Variants in RIMOC1 observed in about 807,000 individuals in gnomAD.
The protein encoded by RIMOC1 is RAB7A interacting MON1-CCZ1 complex subunit 1.
chr5:41,911,711 C>T, the RIMOC1 span, among the ~76,000 whole-genome samples: 1 of 152,156 alleles, frequency 6.6e-6, no homozygotes, highest in Non-Finnish European at 1.5e-5. Flanking sequence ...CATAATATTT[C>T]TAAATTATAA....
chr5:41,905,304 A>AT, the RIMOC1 span, among the ~76,000 whole-genome samples: 1 of 152,212 alleles, frequency 6.6e-6, no homozygotes, highest in Non-Finnish European at 1.5e-5. Flanking sequence ...TTCAGTGAAT[A>AT]TTTTTTGCCA....
the RIMOC1 span, chr5:41,911,365 A>G: frequency 2.2e-5 from 9 of 417,370 alleles, no homozygotes; most frequent in African/African-American, 4.1e-5. Flanking sequence ...ATAACATGTG[A>G]AAGCACTTTG....
the RIMOC1 span, among the ~76,000 whole-genome samples, chr5:41,910,619 T>C: frequency 6.6e-6 from 1 of 152,034 alleles, no homozygotes; most frequent in African/African-American, 2.4e-5. Context: ...CAAATTTCAA[T>C]GACAAGCCAC....
chr5:41,906,683 A>G, the RIMOC1 span, among the ~76,000 whole-genome samples: 2 of 152,292 alleles, frequency 1.3e-5, no homozygotes, highest in East Asian at 1.9e-4. Flanking sequence ...CAGCAGTCAA[A>G]ATGCAATCTC....
At chr5:41,910,330 T>C in the RIMOC1 span, among the ~76,000 whole-genome samples, 1 of 151,970 alleles carries the variant, frequency 6.6e-6, no homozygotes, top group African/African-American at 2.4e-5. Context: ...CTGAAATGTC[T>C]TCTCTTGCTA....
At chr5:41,906,577 C>T in the RIMOC1 span, among the ~76,000 whole-genome samples, 1 of 152,284 alleles carries the variant, frequency 6.6e-6, no homozygotes, top group East Asian at 1.9e-4. Flanking sequence ...ATAGTAGAAT[C>T]TTTTTCTACA....
the RIMOC1 span, chr5:41,919,013 T>G: frequency 2.0e-5 from 3 of 152,434 alleles, no homozygotes; most frequent in African/African-American, 7.2e-5. Flanking sequence ...CTCTTTTTTT[T>G]TTTTACTTTA....
the RIMOC1 span, chr5:41,918,186 T>C: frequency 1.0e-6 from 1 of 985,876 alleles, no homozygotes; most frequent in Non-Finnish European, 1.2e-6. Context: ...TGCTGATACC[T>C]TGGACTTCTG....
the RIMOC1 span, chr5:41,917,120 G>A: frequency 6.2e-7 from 1 of 1,613,830 alleles, no homozygotes; most frequent in Non-Finnish European, 8.5e-7. Flanking sequence ...TCATGAAGTG[G>A]ATACTAGTGT....
At chr5:41,914,342 G>A in the RIMOC1 span, among the ~76,000 whole-genome samples, 1 of 151,806 alleles carries the variant, frequency 6.6e-6, no homozygotes, top group South Asian at 2.1e-4. Context: ...TTAGGGTGTC[G>A]GCCTTTTGTT....
the RIMOC1 span, among the ~76,000 whole-genome samples, chr5:41,904,959 A>G: frequency 2.6e-5 from 4 of 152,304 alleles, no homozygotes; most frequent in South Asian, 6.2e-4. Context: ...TGTGTAGACT[A>G]TTCTGCCCCA....
chr5:41,916,387 C>G, the RIMOC1 span: 1 of 905,476 alleles, frequency 1.1e-6, no homozygotes, highest in Non-Finnish European at 1.3e-6. Flanking sequence ...GAAAAACTAC[C>G]CATAAGAAGA....
chr5:41,916,735 T>G, the RIMOC1 span, among the ~76,000 whole-genome samples: 3 of 152,152 alleles, frequency 2.0e-5, no homozygotes, highest in Non-Finnish European at 4.4e-5. Context: ...AGTTATAGAG[T>G]GGACCCCAAA....
the RIMOC1 span, chr5:41,911,203 T>G: frequency 6.3e-7 from 1 of 1,583,752 alleles, no homozygotes; most frequent in South Asian, 1.2e-5. Context: ...CCTTACACAT[T>G]TTTCATTGTT....
chr5:41,906,071 A>C, the RIMOC1 span, among the ~76,000 whole-genome samples: 130 of 152,354 alleles, frequency 8.5e-4, no homozygotes, highest in African/African-American at 2.9e-3. Flanking sequence ...TTTGTTCTTT[A>C]ATGTAATGAG....
At chr5:41,918,224 C>G in the RIMOC1 span, 6 of 985,868 alleles carry the variant, frequency 6.1e-6, no homozygotes, top group African/African-American at 1.7e-5. Flanking sequence ...ATTCCAGCAG[C>G]TTACTCCCGT....
At chr5:41,914,631 G>A in the RIMOC1 span, among the ~76,000 whole-genome samples, 14 of 151,776 alleles carry the variant, frequency 9.2e-5, no homozygotes, top group East Asian at 1.2e-3. Context: ...TTAGCCAGGC[G>A]TGGTGGTGCA....
the RIMOC1 span, chr5:41,917,200 A>AC: frequency 6.2e-7 from 1 of 1,613,868 alleles, no homozygotes; most frequent in Non-Finnish European, 8.5e-7. Flanking sequence ...AAATCTTGAA[A>AC]AAGTATGTAT....
the RIMOC1 span, among the ~76,000 whole-genome samples, chr5:41,913,360 G>A: frequency 6.6e-6 from 1 of 152,158 alleles, no homozygotes; most frequent in African/African-American, 2.4e-5. Context: ...AATGAATACT[G>A]GTTGGCAACT....
Sources: gnomAD v4.1 joint callset for allele counts (sites outside exome capture counted in the v4.1 genomes callset) on GRCh38, gnomAD v4.1.1 for gene constraint, MANE v1.5 for transcripts, NCBI Gene and HGNC (gene_info 2026-07-23, HGNC 2026-07-21) for gene names.